CASZ1: variants seen among roughly 807,000 people sequenced by gnomAD.
CASZ1 encodes the protein zinc finger protein castor homolog 1.
CASZ1 carries 28 observed loss-of-function variants against 135.2 expected under a neutral mutation model. The observed-to-expected ratio is 0.21, with a 90% CI of 0.15 to 0.28. The LOEUF (loss-of-function observed/expected upper bound fraction) is 0.28. Ranked by LOEUF, CASZ1 falls within the 10% of genes least tolerant of loss-of-function variation. CASZ1 has a pLI of 1.00. For missense variants in CASZ1, 2,161 were observed against 2,453.3 expected, an observed-to-expected ratio of 0.88 and a Z score of 2.52; for synonymous variants, 1,068 against 1,073.4, an observed-to-expected ratio of 0.99 and a Z score of 0.10.
intron 1 of CASZ1, among the ~76,000 whole-genome samples, chr1:10,761,770 G>C (rs890395569): frequency 1.3e-5 from 2 of 152,174 alleles, no homozygotes; most frequent in African/African-American, 2.4e-5. Flanking sequence ...CACACAACCC[G>C]ATCTCGGCGT....
At chr1:10,784,720 T>C (rs1002546217) in intron 1 of CASZ1, among the ~76,000 whole-genome samples, 6 of 152,080 alleles carry the variant, frequency 3.9e-5, no homozygotes, top group African/African-American at 9.7e-5. Context: ...TCCACCACCA[T>C]ACCCGGCTAA....
In CASZ1 at chr1:10,776,273, T is replaced by C. The variant is rs183976709; in HGVS notation, c.-233-15416A>G. Among the ~76,000 whole-genome samples, 3 of 152,320 alleles carry C rather than the reference T, an allele frequency of 2.0e-5. No homozygotes were observed. In the East Asian group the frequency reaches 5.8e-4, roughly 29 times the overall value. ...TATTACATTCAATTACCTTTTTACTTGAGATTTACATTCTCATCCCCTTAA... is the reference window on the plus strand; with the variant it reads ...TATTACATTCAATTACCTTTTTACTCGAGATTTACATTCTCATCCCCTTAA... On this transcript the variant is annotated intron_variant, in intron 1 of 20. Coordinates refer to ENST00000377022, the MANE Select transcript of CASZ1 (RefSeq NM_001079843.3). This position sits in a 1 kb window ranked among gnomAD's most constrained non-coding sequence, Gnocchi z 4.1.
intron 1 of CASZ1, among the ~76,000 whole-genome samples, chr1:10,785,427 A>T (rs566643985): frequency 2.6e-5 from 4 of 152,304 alleles, no homozygotes; most frequent in African/African-American, 9.6e-5. Context: ...GTGAAACAAG[A>T]ACCGGAGTGT....
chr1:10,714,420 C>T (rs1639341990), intron 2 of CASZ1, among the ~76,000 whole-genome samples: 1 of 152,254 alleles, frequency 6.6e-6, no homozygotes, highest in Non-Finnish European at 1.5e-5. Flanking sequence ...AACTGGAACT[C>T]AGACTCGGCA....
At chr1:10,771,391 T>C (rs774527824) in intron 1 of CASZ1, among the ~76,000 whole-genome samples, 67 of 152,172 alleles carry the variant, frequency 4.4e-4, no homozygotes, top group Admixed American at 1.1e-3. Flanking sequence ...CTACCTTCAG[T>C]TTCCCTTGGA....
chr1:10,714,898 A>C (rs1639349652), intron 2 of CASZ1, among the ~76,000 whole-genome samples: 1 of 148,822 alleles, frequency 6.7e-6, no homozygotes, highest in Non-Finnish European at 1.5e-5. Flanking sequence ...CACCCAGCCC[A>C]GCATTGGCCC....
rs1640237753 is a variant in CASZ1 at position 10,755,608 on chromosome 1, A to G, written c.-77+5093T>C. ...TTCCCTGGGGCCCGTGCATGGCGAG[A>G]TGCGGGGTTTTCCTGCATCTGCTCC... On this transcript the variant is annotated intron_variant, in intron 2 of 20. Coordinates refer to ENST00000377022, the MANE Select transcript of CASZ1 (RefSeq NM_001079843.3). This position sits in a 1 kb window ranked among gnomAD's most constrained non-coding sequence, Gnocchi z 4.3. 6.6e-6 allele frequency among the ~76,000 whole-genome samples: 1 copy of G among 152,012 alleles called. No homozygotes were observed. The highest frequency in any genetic ancestry group is 1.9e-4 in the East Asian group (1 of 5,138).
rs751614567 is a variant in CASZ1 at position 10,643,132 on chromosome 1, TGGGCTCTCACCTGGGGG to T, written c.4020+11_4020+27del. On this transcript the variant is annotated intron_variant, in intron 19 of 20. Transcript: ENST00000377022. ...CATGATGCGTTCCCGCCACCCTGGCTGGGCTCTCACCTGGGGGGGGCTCTCACCTGGGAGGGGGGCAC... is the reference window on the plus strand; with the variant it reads ...CATGATGCGTTCCCGCCACCCTGGCTGGGCTCTCACCTGGGAGGGGGGCAC... 35 of 1,603,446 alleles carry T rather than the reference TGGGCTCTCACCTGGGGG, an allele frequency of 2.2e-5. 1 individual carries two copies. The East Asian group carries it at 2.2e-4, about 10-fold the overall frequency.
At chr1:10,745,181 C>T (rs1557547134) in intron 2 of CASZ1, among the ~76,000 whole-genome samples, 1 of 152,160 alleles carries the variant, frequency 6.6e-6, no homozygotes, top group Admixed American at 6.5e-5. Flanking sequence ...AGAGTTCTTA[C>T]CAAATTTTCT....
intron 8 of CASZ1, among the ~76,000 whole-genome samples, chr1:10,656,112 T>C (rs535754239): frequency 6.6e-6 from 1 of 152,336 alleles, no homozygotes; most frequent in South Asian, 2.1e-4. Context: ...GGGGCTCTGA[T>C]GCTGACAGCT....
intron 2 of CASZ1, among the ~76,000 whole-genome samples, chr1:10,736,687 C>T (rs568018882): frequency 6.6e-6 from 1 of 152,358 alleles, no homozygotes; most frequent in African/African-American, 2.4e-5. Flanking sequence ...AAGGATGTGT[C>T]GGGCACCATG....
chr1:10,785,690 T>C (rs1640846414), intron 1 of CASZ1, among the ~76,000 whole-genome samples: 2 of 152,228 alleles, frequency 1.3e-5, no homozygotes, highest in African/African-American at 4.8e-5. Flanking sequence ...TGTCAGGGGC[T>C]AAAGGGACAA....
intron 2 of CASZ1, among the ~76,000 whole-genome samples, chr1:10,729,212 G>A (rs1639653443): frequency 6.6e-6 from 1 of 152,196 alleles, no homozygotes; most frequent in Non-Finnish European, 1.5e-5. Flanking sequence ...GCTGCAGGGC[G>A]GGAGGCCAGA....
chr1:10,703,028 A>G (rs1037104069), intron 3 of CASZ1, among the ~76,000 whole-genome samples: 23 of 151,246 alleles, frequency 1.5e-4, no homozygotes, highest in African/African-American at 5.6e-4. Flanking sequence ...TGGGAAGGCA[A>G]GGAGGAAGAG....
chr1:10,756,304 C>T lies in CASZ1; in HGVS notation c.-77+4397G>A, dbSNP rs1640255117. On this transcript the variant is annotated intron_variant, in intron 2 of 20. Coordinates refer to ENST00000377022, the MANE Select transcript of CASZ1 (RefSeq NM_001079843.3). This position sits in a 1 kb window ranked among gnomAD's most constrained non-coding sequence, Gnocchi z 5.9. ...CCACTTGGGACATCCCCGATGCACC[C>T]CCCACCCTCGCCCCCGCAAGACATC... is the stretch of plus-strand genomic sequence containing the variant. 6.6e-6 allele frequency among the ~76,000 whole-genome samples: 1 copy of T among 152,226 alleles called. No homozygotes were observed. Among genetic ancestry groups the T allele is most frequent in the South Asian group, 2.1e-4 (1 of 4,832 alleles).
At position 10,794,347 on chromosome 1, in the gene CASZ1, C is replaced by A. The variant is rs1266128668; in HGVS notation, c.-234+2217G>T. 6.6e-6 allele frequency among the ~76,000 whole-genome samples: 1 copy of A among 152,174 alleles called. No individual in the cohort carries two copies. Among genetic ancestry groups the A allele is most frequent in the Non-Finnish European group, 1.5e-5 (1 of 68,016 alleles). On this transcript the variant is annotated intron_variant, in intron 1 of 20. Transcript: ENST00000377022. This position sits in a 1 kb window ranked among gnomAD's most constrained non-coding sequence, Gnocchi z 5.6. Reference sequence around the variant, plus strand: ...TAACTTTGCCCCGCGACTACCAGGGCCTTTTCCCCCTCGCCACCCCCTGAG... The same window carrying A: ...TAACTTTGCCCCGCGACTACCAGGGACTTTTCCCCCTCGCCACCCCCTGAG...
rs1163606168 is a variant in CASZ1 at position 10,707,977 on chromosome 1, G to A, written c.-76-2433C>T. ...TTCCAGGCTAAGAAAGAAAAGCCAT[G>A]TGCTCAGAGATCATGGCAGAAAGTG... On this transcript the variant is annotated intron_variant, in intron 2 of 20. Transcript: ENST00000377022. This position sits in a 1 kb window ranked among gnomAD's most constrained non-coding sequence, Gnocchi z 5.0. 1.3e-5 allele frequency among the ~76,000 whole-genome samples: 2 copies of A among 152,186 alleles called. No individual in the cohort carries two copies. Among genetic ancestry groups the A allele is most frequent in the Non-Finnish European group, 2.9e-5 (2 of 68,036 alleles).
chr1:10,761,332 C>T (rs970398795), intron 1 of CASZ1, among the ~76,000 whole-genome samples: 3 of 152,214 alleles, frequency 2.0e-5, no homozygotes, highest in Non-Finnish European at 4.4e-5. Context: ...CCAGCTGCTC[C>T]CCTGACCCCT....
rs988951054 is a variant in CASZ1, at chr1:10,794,819, C to G, written c.-234+1745G>C. On this transcript the variant is annotated intron_variant, in intron 1 of 20. Transcript: ENST00000377022. The surrounding 1 kb of genome is among the most constrained non-coding windows in gnomAD (Gnocchi z 5.6). ...TGACGGCGCATACACCTGTTCCCTT[C>G]GCGGAGGAGCTTCCAGCGCCGGGGA... Among the ~76,000 whole-genome samples the G allele has an allele frequency of 1.3e-5, 2 of 152,100 alleles. No homozygotes were observed. The highest frequency in any genetic ancestry group is 2.9e-5 in the Non-Finnish European group (2 of 67,994).
Sources: allele counts gnomAD v4.1 joint callset (sites outside exome capture counted in the v4.1 genomes callset), GRCh38; gene constraint gnomAD v4.1.1; non-coding constraint Gnocchi (gnomAD v3.1); transcripts MANE v1.5; gene names NCBI Gene and HGNC (gene_info 2026-07-23, HGNC 2026-07-21).